LIN9: variants seen among roughly 807,000 people sequenced by gnomAD.
LIN9 encodes protein lin-9 homolog.
A neutral mutation model predicts 78.0 loss-of-function variants in LIN9; 18 were observed. The observed-to-expected ratio is 0.23, with a 90% CI of 0.16 to 0.34. LIN9 has a LOEUF of 0.34. LIN9 is among the 10% of genes least tolerant of loss of function. LIN9 has a pLI of 1.00. For synonymous variants in LIN9, 192 were observed against 215.2 expected, an observed-to-expected ratio of 0.89 and a Z score of 0.94; for missense variants, 451 against 644.1, an observed-to-expected ratio of 0.70 and a Z score of 3.25.
intron 10 of LIN9, among the ~76,000 whole-genome samples, chr1:226,262,687 G>C (rs528074028): frequency 3.3e-5 from 5 of 152,192 alleles, no homozygotes; most frequent in Admixed American, 3.3e-4. Context: ...CTGCTGCTGG[G>C]AATGCAAAAT....
intron 10 of LIN9, among the ~76,000 whole-genome samples, chr1:226,255,289 T>C (rs1000429070): frequency 1.4e-4 from 22 of 152,200 alleles, no homozygotes; most frequent in Admixed American, 1.1e-3. Flanking sequence ...TGGAGCATTC[T>C]GTTCTTAGCA....
At chr1:226,277,603 C>T (rs1164165519) in intron 7 of LIN9, among the ~76,000 whole-genome samples, 172 bp downstream of exon 7, 3 of 152,202 alleles carry the variant, frequency 2.0e-5, no homozygotes, top group African/African-American at 7.2e-5. Flanking sequence ...CCCTGAGCAT[C>T]AACCAGGCTC....
At chr1:226,257,275 A>C (rs561382143) in intron 10 of LIN9, among the ~76,000 whole-genome samples, 17 of 152,318 alleles carry the variant, frequency 1.1e-4, no homozygotes, top group Admixed American at 5.9e-4. Flanking sequence ...TGTTCTTTAA[A>C]GAAAAAGAAA....
chr1:226,277,956 A>G, intron 6 of LIN9, 24 bp from the exon 7 acceptor site: 1 of 1,567,190 alleles, frequency 6.4e-7, no homozygotes, highest in Non-Finnish European at 8.7e-7. Flanking sequence ...TAAAAAACAT[A>G]CAAACTGATA....
chr1:226,303,684 CA>C (rs1662710767), intron 1 of LIN9, among the ~76,000 whole-genome samples: 1 of 152,186 alleles, frequency 6.6e-6, no homozygotes, highest in Non-Finnish European at 1.5e-5. Flanking sequence ...CAGCTCACTG[CA>C]ACCTCCACCT....
chr1:226,280,583 C>A (rs528296489), intron 6 of LIN9, among the ~76,000 whole-genome samples: 1 of 152,270 alleles, frequency 6.6e-6, no homozygotes, highest in East Asian at 1.9e-4. Flanking sequence ...CGAGACCATC[C>A]TGGCCAATAT....
At chr1:226,309,210 C>G (rs770101794), upstream of LIN9, 1 of 1,454,836 alleles carries the variant, frequency 6.9e-7, no homozygotes, top group South Asian at 1.5e-5. Context: ...ACTGTCTTTG[C>G]GAGGGAGGTT....
intron 7 of LIN9, among the ~76,000 whole-genome samples, chr1:226,275,715 A>T (rs1275589116): frequency 6.9e-6 from 1 of 145,212 alleles, no homozygotes; most frequent in Non-Finnish European, 1.5e-5. Flanking sequence ...AAAAAAAAGA[A>T]AAAAAGAAAA....
At chr1:226,269,444 G>A (rs984268331) in intron 7 of LIN9, among the ~76,000 whole-genome samples, 2 of 151,938 alleles carry the variant, frequency 1.3e-5, no homozygotes, top group African/African-American at 4.8e-5. Flanking sequence ...ACCATTCCAG[G>A]GTACTGGAAA....
chr1:226,273,616 T>C (rs1214716330), intron 7 of LIN9, among the ~76,000 whole-genome samples: 3 of 152,160 alleles, frequency 2.0e-5, no homozygotes, highest in Non-Finnish European at 4.4e-5. Flanking sequence ...GTTTTCTTCT[T>C]CTTCTTTTTT....
At chr1:226,247,081 T>C (rs1028970583) in intron 11 of LIN9, among the ~76,000 whole-genome samples, 1 of 152,150 alleles carries the variant, frequency 6.6e-6, no homozygotes, top group African/African-American at 2.4e-5. Flanking sequence ...TTTCTTCTGA[T>C]CTATTTTAAA....
At chr1:226,252,068 T>C (rs1176989849) in intron 10 of LIN9, among the ~76,000 whole-genome samples, 3 of 152,030 alleles carry the variant, frequency 2.0e-5, no homozygotes, top group African/African-American at 7.2e-5. Context: ...CACCCTCAGC[T>C]TCCCAAGTAG....
intron 8 of LIN9, among the ~76,000 whole-genome samples, chr1:226,267,293 ATG>A (rs1221821832): frequency 3.3e-5 from 4 of 121,712 alleles, no homozygotes; most frequent in East Asian, 3.0e-4. Context: ...ATACATATAT[ATG>A]TGTGTGTATA....
intron 6 of LIN9, among the ~76,000 whole-genome samples, chr1:226,282,039 A>G (rs1661099370): frequency 6.6e-6 from 1 of 152,134 alleles, no homozygotes; most frequent in Non-Finnish European, 1.5e-5. Context: ...GACATATACA[A>G]TCAAAAAATG....
At chr1:226,272,477 T>C (rs1660346547) in intron 7 of LIN9, among the ~76,000 whole-genome samples, 1 of 149,884 alleles carries the variant, frequency 6.7e-6, no homozygotes, top group Admixed American at 6.7e-5. Context: ...ACTCCTGTGC[T>C]CAAGCGATCG....
At chr1:226,305,636 C>T (rs564726785) in intron 1 of LIN9, among the ~76,000 whole-genome samples, 2 of 151,966 alleles carry the variant, frequency 1.3e-5, no homozygotes, top group East Asian at 1.9e-4. Context: ...GGTAGCATTC[C>T]AGGTTGAGAG....
intron 12 of LIN9, 117 bp downstream of exon 12, chr1:226,238,854 A>G: frequency 1.1e-6 from 1 of 945,010 alleles, no homozygotes. Context: ...TATATAATAC[A>G]GTTCTGCTAA....
upstream of LIN9, chr1:226,309,486 G>C: frequency 9.0e-7 from 1 of 1,111,658 alleles, no homozygotes; most frequent in Non-Finnish European, 1.1e-6. Flanking sequence ...CGCATGTTCC[G>C]CGGCCCGCGC....
intron 4 of LIN9, 27 bp downstream of exon 4, chr1:226,295,814 AT>A (rs1325830246): frequency 8.3e-6 from 12 of 1,453,768 alleles, no homozygotes; most frequent in Non-Finnish European, 1.1e-5. Flanking sequence ...TTCCTTTCCA[AT>A]GAAACAAAAT....
Sources: allele counts gnomAD v4.1 joint callset (sites outside exome capture counted in the v4.1 genomes callset), GRCh38; gene constraint gnomAD v4.1.1; transcripts MANE v1.5; gene names NCBI Gene and HGNC (gene_info 2026-07-23, HGNC 2026-07-21).